ZNF804A: variants seen among roughly 807,000 people sequenced by gnomAD.
ZNF804A encodes zinc finger protein 804A.
ZNF804A carries 2 observed loss-of-function variants against 16.5 expected under a neutral mutation model. The ratio of observed to expected loss-of-function variants is 0.12; its 90% confidence interval spans 0.05 to 0.38. The LOEUF (loss-of-function observed/expected upper bound fraction) is 0.38, where lower values mean the gene tolerates loss of function less well. ZNF804A is among the 10% of genes least tolerant of loss of function. The pLI is 0.99. For missense variants in ZNF804A, 1,473 were observed against 1,390.7 expected (o/e 1.06, Z -0.94); for synonymous variants, 534 against 489.6 (o/e 1.09, Z -1.20).
At chr2:184,887,646 G>A (rs1369528310) in intron 2 of ZNF804A, among the ~76,000 whole-genome samples, 3 of 152,146 alleles carry the variant, frequency 2.0e-5, no homozygotes, top group Admixed American at 1.3e-4. Flanking sequence ...AGAAAACGAG[G>A]AGGAAGCAAA....
At chr2:184,694,524 A>T (rs1692788787) in intron 1 of ZNF804A, among the ~76,000 whole-genome samples, 1 of 152,224 alleles carries the variant, frequency 6.6e-6, no homozygotes, top group Non-Finnish European at 1.5e-5. Context: ...ATGTGTGTTT[A>T]TATGGTATAC....
chr2:184,599,030 T>A lies in ZNF804A; in HGVS notation c.71T>A (p.Val24Asp). 1 of 1,613,858 alleles carries A rather than the reference T, an allele frequency of 6.2e-7. No individual in the cohort carries two copies. The highest frequency in any genetic ancestry group is 8.5e-7 in the Non-Finnish European group (1 of 1,179,868). Residue 24 changes from valine (V) to aspartate (D), a missense_variant, in exon 1 of 4, where the codon GTT (valine) becomes GAT (aspartate). Physicochemically the swap from Val to Asp is radical, Grantham distance 152. Transcript: ENST00000302277. ...SNGHFRNIKG[V>D]FRGPLSKNGN... Reference sequence around the variant, plus strand: ...GGACACTTTCGCAACATCAAGGGAGTTTTCCGGGGCCCTCTCAGCAAGAAC... The same window carrying A: ...GGACACTTTCGCAACATCAAGGGAGATTTCCGGGGCCCTCTCAGCAAGAAC...
intron 1 of ZNF804A, among the ~76,000 whole-genome samples, chr2:184,837,187 A>G (rs1171934990): frequency 2.6e-5 from 4 of 152,032 alleles, no homozygotes; most frequent in Non-Finnish European, 5.9e-5. Context: ...GTATCTTACT[A>G]GGTCTTATGT....
chr2:184,903,116 A>G (rs1211738047), intron 2 of ZNF804A, among the ~76,000 whole-genome samples: 3 of 152,140 alleles, frequency 2.0e-5, no homozygotes, highest in African/African-American at 7.2e-5. Context: ...TCTGTAATAC[A>G]GATCTATACT....
intron 1 of ZNF804A, among the ~76,000 whole-genome samples, chr2:184,755,247 T>A (rs1248143809): frequency 1.3e-5 from 2 of 151,972 alleles, no homozygotes; most frequent in Non-Finnish European, 2.9e-5. Flanking sequence ...GATGGTGACC[T>A]TATAATGTCG....
chr2:184,789,706 C>T (rs1274847514), intron 1 of ZNF804A, among the ~76,000 whole-genome samples: 6 of 151,930 alleles, frequency 3.9e-5, no homozygotes, highest in Non-Finnish European at 5.9e-5. Flanking sequence ...TCTGATTATA[C>T]TTATTTGAAT....
At chr2:184,772,273 A>G (rs1247352506) in intron 1 of ZNF804A, among the ~76,000 whole-genome samples, 1 of 151,720 alleles carries the variant, frequency 6.6e-6, no homozygotes, top group Non-Finnish European at 1.5e-5. Context: ...ACCAAAAAAA[A>G]AAAAAAACAA....
At chr2:184,635,735 C>A (rs1574140802) in intron 1 of ZNF804A, among the ~76,000 whole-genome samples, 1 of 151,990 alleles carries the variant, frequency 6.6e-6, no homozygotes, top group Non-Finnish European at 1.5e-5. Context: ...TCTCACACAT[C>A]GTGATTAGGG....
intron 1 of ZNF804A, among the ~76,000 whole-genome samples, chr2:184,665,771 G>T (rs544996594): frequency 6.6e-6 from 1 of 152,284 alleles, no homozygotes; most frequent in Admixed American, 6.5e-5. Context: ...GCTGCTATCT[G>T]CTTCTGGAAG....
chr2:184,795,237 G>T (rs1290215023), intron 1 of ZNF804A, among the ~76,000 whole-genome samples: 1 of 152,078 alleles, frequency 6.6e-6, no homozygotes, highest in East Asian at 1.9e-4. Flanking sequence ...GACGACAGTG[G>T]AATAAAACTC....
intron 1 of ZNF804A, among the ~76,000 whole-genome samples, chr2:184,790,162 C>T (rs1185209486): frequency 4.0e-5 from 6 of 151,358 alleles, no homozygotes; most frequent in Admixed American, 3.3e-4. Context: ...TGATTTTTAA[C>T]TTTATTCCAC....
chr2:184,731,719 G>A (rs961511549), intron 1 of ZNF804A, among the ~76,000 whole-genome samples: 3 of 151,620 alleles, frequency 2.0e-5, no homozygotes, highest in Non-Finnish European at 2.9e-5. Context: ...ACAGGCATGC[G>A]CCACACTACC....
intron 2 of ZNF804A, among the ~76,000 whole-genome samples, chr2:184,900,543 A>G (rs1057215213): frequency 2.0e-5 from 3 of 152,128 alleles, no homozygotes; most frequent in African/African-American, 4.8e-5. Context: ...TTCTTTTTAA[A>G]TAGTTCGAAC....
intron 1 of ZNF804A, among the ~76,000 whole-genome samples, chr2:184,775,253 A>G (rs983012615): frequency 2.4e-4 from 36 of 151,692 alleles, no homozygotes; most frequent in African/African-American, 8.7e-4. Context: ...ACTCACTGGG[A>G]ACTTGTAGGT....
intron 1 of ZNF804A, among the ~76,000 whole-genome samples, chr2:184,762,227 T>G (rs577785928): frequency 6.7e-6 from 1 of 150,090 alleles, no homozygotes; most frequent in Non-Finnish European, 1.5e-5. Flanking sequence ...TTTTTTTGCC[T>G]ATGGTTATAT....
intron 1 of ZNF804A, among the ~76,000 whole-genome samples, chr2:184,766,325 T>G (rs1371953877): frequency 6.6e-6 from 1 of 152,092 alleles, no homozygotes; most frequent in Non-Finnish European, 1.5e-5. Flanking sequence ...AATCTGCAAG[T>G]TTTATATAGC....
chr2:184,820,581 A>G (rs1391245015), intron 1 of ZNF804A, among the ~76,000 whole-genome samples: 1 of 152,142 alleles, frequency 6.6e-6, no homozygotes, highest in East Asian at 1.9e-4. Flanking sequence ...ATCAGGCAAG[A>G]GAAAGAAATA....
At chr2:184,772,712 G>A (rs1694234421) in intron 1 of ZNF804A, among the ~76,000 whole-genome samples, 1 of 151,564 alleles carries the variant, frequency 6.6e-6, no homozygotes, top group African/African-American at 2.4e-5. Context: ...TTCAAAGCAA[G>A]AGCATCATTT....
chr2:184,801,111 T>G (rs1210204487), intron 1 of ZNF804A, among the ~76,000 whole-genome samples: 1 of 152,164 alleles, frequency 6.6e-6, no homozygotes, highest in Non-Finnish European at 1.5e-5. Flanking sequence ...GGATTCTGTT[T>G]GTTTCAACAC....
Sources: gnomAD v4.1 joint callset for allele counts (sites outside exome capture counted in the v4.1 genomes callset) on GRCh38, gnomAD v4.1.1 for gene constraint, MANE v1.5 for transcripts, NCBI Gene and HGNC (gene_info 2026-07-23, HGNC 2026-07-21) for gene names.